The following ABHD6 variants were observed in gnomAD, a reference collection of about 807,000 sequenced individuals.
ABHD6 encodes the protein abhydrolase domain containing 6, acylglycerol lipase.
Under a neutral mutation model 38.8 loss-of-function variants are expected in ABHD6, and 33 were observed. That is an observed-to-expected ratio of 0.85 (90% confidence interval 0.64 to 1.14). The LOEUF is 1.14. Ranked by LOEUF, ABHD6 falls within the 50% of genes most tolerant of loss-of-function variation. ABHD6 has a pLI of 0.00. For missense variants in ABHD6, 380 were observed against 422.6 expected (o/e 0.90, Z 0.88); for synonymous variants, 147 against 161.6 (o/e 0.91, Z 0.69).
intron 1 of ABHD6, among the ~76,000 whole-genome samples, chr3:58,242,968 G>C (rs11716580): frequency 0.071 from 10,758 of 152,130 alleles, 463 homozygotes; most frequent in South Asian, 0.12. Context: ...GAGACTGTGC[G>C]GTGTTTGGTT....
At chr3:58,290,269 G>A (rs1364233701) in intron 9 of ABHD6, among the ~76,000 whole-genome samples, 7 of 135,208 alleles carry the variant, frequency 5.2e-5, no homozygotes, top group Non-Finnish European at 9.6e-5. Context: ...TCACCTCCCA[G>A]ACGGGGCGGC....
intron 9 of ABHD6, among the ~76,000 whole-genome samples, chr3:58,292,903 G>A (rs1308545412): frequency 1.3e-5 from 2 of 152,132 alleles, no homozygotes; most frequent in Non-Finnish European, 2.9e-5. Context: ...GCGAAAGAGT[G>A]AAACTCCTTT....
chr3:58,286,265 G>A (rs964045947), intron 9 of ABHD6, among the ~76,000 whole-genome samples: 5 of 151,486 alleles, frequency 3.3e-5, no homozygotes, highest in Non-Finnish European at 5.9e-5. Flanking sequence ...ATGATCTGCC[G>A]GCCTCAGCCT....
At chr3:58,245,784 AAAAG>A (rs150162786) in intron 1 of ABHD6, among the ~76,000 whole-genome samples, 19,226 of 149,686 alleles carry the variant, frequency 0.13, 1,667 homozygotes, top group African/African-American at 0.25. Flanking sequence ...TGTCTCAAAA[AAAAG>A]AAAGAAAGAA....
chr3:58,247,755 A>G (rs142238412), intron 1 of ABHD6, among the ~76,000 whole-genome samples: 39 of 152,198 alleles, frequency 2.6e-4, no homozygotes, highest in African/African-American at 8.9e-4. Flanking sequence ...TTGTATTTTT[A>G]GTGGAGTCAG....
rs1007927138 is a variant in ABHD6 at position 58,259,848 on chromosome 3, C to T, written c.119+3143C>T. Among the ~76,000 whole-genome samples, 12 of 152,176 alleles carry T rather than the reference C, an allele frequency of 7.9e-5. No individual in the cohort carries two copies. The highest frequency in any genetic ancestry group is 2.9e-4 in the African/African-American group (12 of 41,436). ...ACCTAGTAGCCATCAATCCCAGTTT[C>T]TCCCTCACTTCATCTTCTGGCAACC... is the stretch of plus-strand genomic sequence containing the variant. On this transcript the variant is annotated intron_variant, in intron 3 of 9. Coordinates refer to ENST00000478253, the MANE Select transcript of ABHD6 (RefSeq NM_001320126.2). The surrounding 1 kb of genome is among the most constrained non-coding windows in gnomAD (Gnocchi z 4.7).
rs75387686 is a variant in ABHD6, at chr3:58,287,900, A to G, written c.837+2447A>G. Among the ~76,000 whole-genome samples the G allele has an allele frequency of 0.033, 5,082 of 152,276 alleles. 285 individuals carry two copies. The highest frequency in any genetic ancestry group is 0.12 in the African/African-American group (4,810 of 41,530). The stretch of plus-strand genomic sequence containing the variant: ...GTACCAGGGTTATTTTGAGGCTCAA[A>G]TGAAATAATATGTATGAAAATGATC... On this transcript the variant is annotated intron_variant, in intron 9 of 9. Transcript: ENST00000478253. This position sits in a 1 kb window ranked among gnomAD's most constrained non-coding sequence, Gnocchi z 4.7.
intron 7 of ABHD6, among the ~76,000 whole-genome samples, chr3:58,275,478 C>T (rs1301259002): frequency 2.0e-5 from 3 of 151,684 alleles, no homozygotes; most frequent in Non-Finnish European, 1.5e-5. Flanking sequence ...TATAGGTGTG[C>T]GCCACCACGC....
chr3:58,248,038 TC>T (rs1439334017), intron 1 of ABHD6, among the ~76,000 whole-genome samples: 1 of 152,212 alleles, frequency 6.6e-6, no homozygotes, highest in Non-Finnish European at 1.5e-5. Flanking sequence ...CAGAAGGATT[TC>T]CCACGTACAT....
At chr3:58,286,280 A>T (rs975296727) in intron 9 of ABHD6, among the ~76,000 whole-genome samples, 1 of 151,788 alleles carries the variant, frequency 6.6e-6, no homozygotes, top group Non-Finnish European at 1.5e-5. Flanking sequence ...CAGCCTCCCA[A>T]AGTGTTGGGA....
chr3:58,251,966 G>T lies in ABHD6; in HGVS notation c.-26+2024G>T, dbSNP rs1419328322. ...TCTTTAATTGCCTGGCATAATTCCAGAAATGTTTAAGTCACCAAAGTAAGA... is the reference window on the plus strand; with the variant it reads ...TCTTTAATTGCCTGGCATAATTCCATAAATGTTTAAGTCACCAAAGTAAGA... On this transcript the variant is annotated intron_variant, in intron 2 of 9. Coordinates refer to ENST00000478253, the MANE Select transcript of ABHD6 (RefSeq NM_001320126.2). The surrounding 1 kb of genome is among the most constrained non-coding windows in gnomAD (Gnocchi z 5.4). Among the ~76,000 whole-genome samples, 2 of 152,122 alleles carry T rather than the reference G, an allele frequency of 1.3e-5. No homozygotes were observed. Among genetic ancestry groups the T allele is most frequent in the Non-Finnish European group, 2.9e-5 (2 of 68,022 alleles).
intron 7 of ABHD6, among the ~76,000 whole-genome samples, chr3:58,282,660 C>T (rs567083063): frequency 7.9e-5 from 12 of 152,188 alleles, no homozygotes; most frequent in Admixed American, 2.0e-4. Flanking sequence ...CACCTGAGCC[C>T]AGGAGGCAGA....
rs533797571 is a variant in ABHD6, at chr3:58,273,645, GT to G, written c.524-1011del. ...AGGAACAGAAAACCAAACACCGCATGTTCTCACTCATAAGTGCGAGTTGAAC... is the reference window on the plus strand; with the variant it reads ...AGGAACAGAAAACCAAACACCGCATGTCTCACTCATAAGTGCGAGTTGAAC... On this transcript the variant is annotated intron_variant, in intron 6 of 9. Coordinates refer to ENST00000478253, the MANE Select transcript of ABHD6 (RefSeq NM_001320126.2). The surrounding 1 kb of genome is among the most constrained non-coding windows in gnomAD (Gnocchi z 4.8). Among the ~76,000 whole-genome samples, 3 of 152,162 alleles carry G rather than the reference GT, an allele frequency of 2.0e-5. No individual in the cohort carries two copies. Among genetic ancestry groups the G allele is most frequent in the Non-Finnish European group, 4.4e-5 (3 of 68,028 alleles).
chr3:58,239,150 A>G (rs368607498), intron 1 of ABHD6, among the ~76,000 whole-genome samples: 33 of 150,560 alleles, frequency 2.2e-4, no homozygotes, highest in East Asian at 9.9e-4. Context: ...GAACCACTAG[A>G]CTTTTTACCC....
chr3:58,286,848 G>GCATATATATATATATACATATATATA (rs746605515), intron 9 of ABHD6, among the ~76,000 whole-genome samples: 1 of 70,060 alleles, frequency 1.4e-5, no homozygotes, highest in African/African-American at 5.6e-5. Flanking sequence ...GTGTGTGTGT[G>GCATATATATATATATACATATATATA]TGTGTATATA....
intron 7 of ABHD6, among the ~76,000 whole-genome samples, chr3:58,281,307 C>T (rs940175504): frequency 5.3e-5 from 8 of 152,202 alleles, no homozygotes; most frequent in Admixed American, 2.6e-4. Flanking sequence ...CAATGGCAGA[C>T]GCCCCTCCCC....
In ABHD6 at chr3:58,269,597, C is replaced by A. The variant is rs2097443385; in HGVS notation, c.390+163C>A. ...GCCAAATGGCAACCTGATGATATCT[C>A]TGGTTGGCAATGGAGGGCCAGGGCT... On this transcript the variant is annotated intron_variant, in intron 5 of 9. Coordinates refer to ENST00000478253, the MANE Select transcript of ABHD6 (RefSeq NM_001320126.2). This position sits in a 1 kb window ranked among gnomAD's most constrained non-coding sequence, Gnocchi z 4.4. 1.3e-5 allele frequency among the ~76,000 whole-genome samples: 2 copies of A among 152,226 alleles called. No individual in the cohort carries two copies. Among genetic ancestry groups the A allele is most frequent in the African/African-American group, 2.4e-5 (1 of 41,468 alleles).
chr3:58,248,410 GATC>G (rs2097427849), intron 1 of ABHD6, among the ~76,000 whole-genome samples: 1 of 152,050 alleles, frequency 6.6e-6, no homozygotes, highest in Non-Finnish European at 1.5e-5. Flanking sequence ...TAGAAGAAAA[GATC>G]ATAGCCAGGC....
intron 9 of ABHD6, among the ~76,000 whole-genome samples, chr3:58,290,501 G>A (rs2097461576): frequency 1.5e-5 from 2 of 133,710 alleles, no homozygotes; most frequent in East Asian, 2.6e-4. Context: ...CGGACGGGGC[G>A]GCTGGCCTGG....
Sources: gnomAD v4.1 joint callset for allele counts (sites outside exome capture counted in the v4.1 genomes callset) on GRCh38, gnomAD v4.1.1 for gene constraint, Gnocchi (gnomAD v3.1) non-coding constraint, MANE v1.5 for transcripts, NCBI Gene and HGNC (gene_info 2026-07-23, HGNC 2026-07-21) for gene names.